The following FERMT2 variants were observed in gnomAD, a reference collection of about 807,000 sequenced individuals.
FERMT2 encodes fermitin family homolog 2.
In FERMT2, 15 loss-of-function variants were observed where a neutral mutation model predicts 82.7. The observed-to-expected ratio is 0.18, with a 90% CI of 0.12 to 0.28. The LOEUF (loss-of-function observed/expected upper bound fraction) is 0.28. Among genes scored for constraint, FERMT2 ranks in the 10% least tolerant of loss-of-function variants. The probability of loss-of-function intolerance (pLI) is 1.00; values close to 1 mark genes in which losing one functional copy is unlikely to be tolerated. For missense variants in FERMT2, 645 were observed against 809.4 expected (o/e 0.80, Z 2.46); for synonymous variants, 274 against 271.5 (o/e 1.01, Z -0.09).
chr14:52,872,780 C>A lies in FERMT2; in HGVS notation c.1273+19G>T, dbSNP rs186229021. 6.2e-7 allele frequency: 1 copy of A among 1,612,440 alleles called. No homozygotes were observed. The highest frequency in any genetic ancestry group is 1.3e-5 in the African/African-American group (1 of 74,874). ...TGGGGATGCCACCATCAACAACAGCCGTGCCAGGCTCTCCTTACCCCTGAG... is the reference window on the plus strand; with the variant it reads ...TGGGGATGCCACCATCAACAACAGCAGTGCCAGGCTCTCCTTACCCCTGAG... On this transcript the variant is annotated intron_variant, in intron 10 of 14. Coordinates refer to ENST00000341590, the MANE Select transcript of FERMT2 (RefSeq NM_006832.3).
In FERMT2 at chr14:52,886,285, GAGAGAGAC is replaced by G. The variant is rs1349746413; in HGVS notation, c.527-4824_527-4817del. On this transcript the variant is annotated intron_variant, in intron 4 of 14. Transcript: ENST00000341590. ...GAAACTCTTGGGGGGGAGAGAGAGA[GAGAGAGAC>G]AGACAGAGTGTGTGTGATATAATGT... is the stretch of plus-strand genomic sequence containing the variant. Among the ~76,000 whole-genome samples, 19 of 138,824 alleles carry G rather than the reference GAGAGAGAC, an allele frequency of 1.4e-4. No homozygotes were observed. In the South Asian group the frequency reaches 4.2e-3, roughly 31 times the overall value. The allele number at this position is 138,824 out of a possible 152,430, so 91.1% of individuals were successfully genotyped here. A position where few individuals can be genotyped will look rare whatever the true frequency, so the allele number is the denominator to read the frequency against.
intron 10 of FERMT2, among the ~76,000 whole-genome samples, chr14:52,866,422 T>C (rs960103694): frequency 6.6e-6 from 1 of 152,252 alleles, no homozygotes; most frequent in Non-Finnish European, 1.5e-5. Flanking sequence ...AGCTCCCTCC[T>C]TCCCAACCAG....
chr14:52,950,305 G>T (rs1890567196), intron 2 of FERMT2, 107 bp downstream of exon 2: 2 of 1,122,340 alleles, frequency 1.8e-6, no homozygotes, highest in Non-Finnish European at 2.6e-6. Context: ...AAGCATTTGC[G>T]AGATGCCAAG....
At chr14:52,864,315 TTTTG>T in intron 12 of FERMT2, 82 bp downstream of exon 12, 1 of 913,144 alleles carries the variant, frequency 1.1e-6, no homozygotes, top group South Asian at 1.6e-5. Flanking sequence ...GACTAAAAAG[TTTTG>T]TTTAAGAGGG....
chr14:52,861,201 G>A (rs72686364), intron 12 of FERMT2: 8,157 of 568,224 alleles, frequency 0.014, 87 homozygotes, highest in Non-Finnish European at 0.018. Context: ...CAAAGTAAAT[G>A]CAAGAATGAA....
intron 1 of FERMT2, 134 bp downstream of exon 1, chr14:52,950,786 GC>G: frequency 2.2e-6 from 1 of 462,778 alleles, no homozygotes; most frequent in Non-Finnish European, 3.8e-6. Flanking sequence ...GGCGCCGCCC[GC>G]CCCACACCGT....
Position 52,864,408 on chromosome 14 carries a change from T to C in FERMT2, c.1595A>G (p.Asn532Ser), listed in dbSNP as rs749026267. The stretch of plus-strand genomic sequence containing the variant: ...GTAAAATGAAGTAAGTACCTGCTTG[T>C]TCTTATACTTTTTTAGATAGCGGGG... ...VSPRYLKKYK[N>S]KQITARILEA... The change falls in exon 12 of 15, where the codon AAC becomes AGC. Residue 532 changes from asparagine to serine, a missense_variant. Coordinates refer to ENST00000341590, the MANE Select transcript of FERMT2 (RefSeq NM_006832.3). 1.9e-6 allele frequency: 3 copies of C among 1,609,942 alleles called. No individual in the cohort carries two copies. Among genetic ancestry groups the C allele is most frequent in the Non-Finnish European group, 2.6e-6 (3 of 1,176,130 alleles).
intron 13 of FERMT2, 23 bp from the exon 14 acceptor site, chr14:52,859,737 G>A (rs375492748): frequency 7.6e-6 from 11 of 1,455,846 alleles, no homozygotes; most frequent in Middle Eastern, 1.8e-4. Flanking sequence ...AGAAAAGAAC[G>A]GTTAAAAACA....
chr14:52,892,438 C>T (rs563464948), intron 4 of FERMT2, among the ~76,000 whole-genome samples: 7 of 137,658 alleles, frequency 5.1e-5, no homozygotes, highest in East Asian at 2.2e-4. Flanking sequence ...CACAGTACCC[C>T]GCCTGGTGCT....
At chr14:52,875,473 C>T (rs761342126) in intron 7 of FERMT2, 116 bp from the exon 8 acceptor site, 16 of 669,958 alleles carry the variant, frequency 2.4e-5, no homozygotes, top group East Asian at 5.8e-5. Flanking sequence ...AAGACAGAAG[C>T]GTCTAGGAAC....
intron 4 of FERMT2, among the ~76,000 whole-genome samples, chr14:52,883,944 G>A (rs971407423): frequency 6.6e-6 from 1 of 152,126 alleles, no homozygotes; most frequent in Non-Finnish European, 1.5e-5. Flanking sequence ...CCCAGGAGCT[G>A]ATGCCACCAT....
chr14:52,908,734 T>C (rs140571906), intron 3 of FERMT2, among the ~76,000 whole-genome samples: 4 of 152,330 alleles, frequency 2.6e-5, no homozygotes, highest in Non-Finnish European at 5.9e-5. Context: ...GCACTGAATT[T>C]TGCCATTACG....
chr14:52,888,612 C>T (rs188304836), intron 4 of FERMT2, among the ~76,000 whole-genome samples: 6 of 152,068 alleles, frequency 3.9e-5, no homozygotes, highest in Non-Finnish European at 5.9e-5. Context: ...TAGCCATTTC[C>T]GTATGATGTA....
intron 3 of FERMT2, among the ~76,000 whole-genome samples, chr14:52,901,092 T>C (rs1476869621): frequency 8.8e-6 from 1 of 113,608 alleles, no homozygotes; most frequent in African/African-American, 3.5e-5. Context: ...AACCCCGGTC[T>C]CTACTAAAAA....
chr14:52,862,659 G>C (rs563294767), intron 12 of FERMT2: 52 of 152,284 alleles, frequency 3.4e-4, no homozygotes, highest in Middle Eastern at 3.4e-3. Context: ...GGGAGACAGA[G>C]AGACTCTGCC....
intron 2 of FERMT2, among the ~76,000 whole-genome samples, chr14:52,939,504 G>A (rs1028136371): frequency 6.6e-6 from 1 of 152,130 alleles, no homozygotes; most frequent in Admixed American, 6.5e-5. Context: ...AGCTGGAACT[G>A]TAATTATCAT....
At chr14:52,863,631 T>C (rs151204148) in intron 12 of FERMT2, 3 of 152,260 alleles carry the variant, frequency 2.0e-5, no homozygotes, top group African/African-American at 7.2e-5. Flanking sequence ...CAAAAGCAAA[T>C]TTCAATGAAA....
At chr14:52,927,293 A>G (rs1030325720) in intron 2 of FERMT2, among the ~76,000 whole-genome samples, 17 of 152,130 alleles carry the variant, frequency 1.1e-4, no homozygotes, top group Non-Finnish European at 1.9e-4. Context: ...AAAAAAATAC[A>G]TATTTCAAAG....
At chr14:52,936,751 C>G (rs1386656752) in intron 2 of FERMT2, among the ~76,000 whole-genome samples, 1 of 152,164 alleles carries the variant, frequency 6.6e-6, no homozygotes, top group Admixed American at 6.6e-5. Context: ...AGTCATTTCC[C>G]TCCCTCCACA....
Sources: allele counts gnomAD v4.1 joint callset (sites outside exome capture counted in the v4.1 genomes callset), GRCh38; gene constraint gnomAD v4.1.1; transcripts MANE v1.5; gene names NCBI Gene and HGNC (gene_info 2026-07-23, HGNC 2026-07-21).